The following WDR59 variants were observed in gnomAD, a reference collection of about 807,000 sequenced individuals.
The protein encoded by WDR59 is WD repeat domain 59.
A neutral mutation model predicts 131.2 loss-of-function variants in WDR59; 100 were observed. That is an observed-to-expected ratio of 0.76 (90% CI 0.65 to 0.90). WDR59 has a LOEUF of 0.90. Among genes scored for constraint, WDR59 ranks in the 40% least tolerant of loss-of-function variants. The pLI is 0.00. For synonymous variants in WDR59, 601 were observed against 466.2 expected, an observed-to-expected ratio of 1.29 and a Z score of -3.72; for missense variants, 1,203 against 1,262.2, an observed-to-expected ratio of 0.95 and a Z score of 0.71.
intron 25 of WDR59, among the ~76,000 whole-genome samples, chr16:74,883,187 G>A (rs1209595951): frequency 6.6e-6 from 1 of 151,628 alleles, no homozygotes; most frequent in Admixed American, 6.6e-5. Flanking sequence ...ACCACGCCCG[G>A]CTAATTTTTG....
intron 1 of WDR59, among the ~76,000 whole-genome samples, chr16:74,975,687 A>AG (rs2034153472): frequency 6.6e-6 from 1 of 151,866 alleles, no homozygotes; most frequent in Non-Finnish European, 1.5e-5. Context: ...AGTAAAAAAA[A>AG]GAAAAAAAAA....
chr16:74,883,141 C>T (rs1964590203), intron 25 of WDR59, among the ~76,000 whole-genome samples: 1 of 150,668 alleles, frequency 6.6e-6, no homozygotes, highest in Admixed American at 6.6e-5. Context: ...CCTCCTGCCT[C>T]AGCCTCCTGA....
intron 18 of WDR59, chr16:74,899,760 C>T (rs765911521): frequency 3.9e-6 from 5 of 1,289,068 alleles, no homozygotes; most frequent in Non-Finnish European, 3.0e-6. Context: ...GACATCTGTG[C>T]ATGAAAACGT....
intron 20 of WDR59, among the ~76,000 whole-genome samples, chr16:74,891,817 G>C (rs566639263): frequency 6.6e-6 from 1 of 152,244 alleles, no homozygotes; most frequent in South Asian, 2.1e-4. Flanking sequence ...CCCGCTACTC[G>C]GGAGGCTGAG....
intron 1 of WDR59, among the ~76,000 whole-genome samples, chr16:74,981,639 T>TAC: frequency 2.4e-5 from 1 of 40,896 alleles, no homozygotes; most frequent in African/African-American, 1.3e-4. Flanking sequence ...TATATATATA[T>TAC]ATATATATAT....
chr16:74,902,246 TA>T (rs1457847760), intron 18 of WDR59, among the ~76,000 whole-genome samples: 1 of 152,134 alleles, frequency 6.6e-6, no homozygotes, highest in African/African-American at 2.4e-5. Context: ...AAATAAAACA[TA>T]AAAGGCCACT....
chr16:74,917,860 G>A (rs1164329911), intron 11 of WDR59, 69 bp downstream of exon 11: 43 of 1,183,244 alleles, frequency 3.6e-5, no homozygotes, highest in Middle Eastern at 4.8e-4. Context: ...TCTAATTTCC[G>A]CAAATCCTGA....
chr16:74,969,198 G>A (rs750653579), intron 1 of WDR59, among the ~76,000 whole-genome samples: 31 of 152,170 alleles, frequency 2.0e-4, no homozygotes, highest in Non-Finnish European at 3.4e-4. Flanking sequence ...CAGGTTAGAG[G>A]TGTAAAGTGG....
intron 23 of WDR59, among the ~76,000 whole-genome samples, chr16:74,886,867 G>T (rs1964792964): frequency 6.6e-6 from 1 of 152,140 alleles, no homozygotes; most frequent in Non-Finnish European, 1.5e-5. Flanking sequence ...AGGGGGCAGT[G>T]AGCCGAGATC....
At chr16:74,970,238 C>A (rs751644501) in intron 1 of WDR59, among the ~76,000 whole-genome samples, 8 of 151,988 alleles carry the variant, frequency 5.3e-5, no homozygotes, top group Non-Finnish European at 1.2e-4. Context: ...CTATTCTGTT[C>A]CATTGGTCTA....
At chr16:74,916,071 C>CAA in intron 12 of WDR59, 56 bp downstream of exon 12, 1 of 1,613,942 alleles carries the variant, frequency 6.2e-7, no homozygotes. Flanking sequence ...GTATCTGCCA[C>CAA]AACTCTGCAA....
At chr16:74,972,821 TAAAAAAA>T (rs57885889) in intron 1 of WDR59, among the ~76,000 whole-genome samples, 7,367 of 55,154 alleles carry the variant, frequency 0.13, 479 homozygotes, top group East Asian at 0.25. Flanking sequence ...GACTCTGTCT[TAAAAAAA>T]AAAAAAAAAA....
chr16:74,933,960 T>C (rs1213193798), intron 8 of WDR59, among the ~76,000 whole-genome samples: 1 of 152,234 alleles, frequency 6.6e-6, no homozygotes. Flanking sequence ...AATAAAATGG[T>C]CAAGATGTCT....
At chr16:74,945,458 C>A (rs1280098726) in intron 6 of WDR59, among the ~76,000 whole-genome samples, 1 of 151,340 alleles carries the variant, frequency 6.6e-6, no homozygotes, top group Non-Finnish European at 1.5e-5. Flanking sequence ...GCCTGGGCAA[C>A]AGAGCGAGAC....
At chr16:74,888,369 G>T in intron 21 of WDR59, 50 bp from the exon 22 acceptor site, 1 of 1,567,770 alleles carries the variant, frequency 6.4e-7, no homozygotes. Context: ...AGGGATTGAG[G>T]AGGAAAGCGG....
chr16:74,938,831 C>T (rs1329306654), intron 7 of WDR59, among the ~76,000 whole-genome samples: 1 of 151,888 alleles, frequency 6.6e-6, no homozygotes, highest in South Asian at 2.1e-4. Context: ...ATCCACTGTG[C>T]CCGGCCTCAC....
chr16:74,915,975 A>AG lies in WDR59; in HGVS notation c.1118dup (p.Arg374Ter). The AG allele has an allele frequency of 6.2e-7, 1 of 1,614,112 alleles. No individual in the cohort carries two copies. Among genetic ancestry groups the AG allele is most frequent in the Non-Finnish European group, 8.5e-7 (1 of 1,180,004 alleles). ...ATTTCCTCTCTTCCAGGAGATTTCT[A>AG]GGGGGATCTTCTTTTAGGGCTAGCA... On this transcript the variant is annotated frameshift_variant, in exon 13 of 26. Transcript: ENST00000262144. LOFTEE classifies it high-confidence loss of function.
intron 1 of WDR59, among the ~76,000 whole-genome samples, chr16:74,973,361 G>A (rs981614468): frequency 3.3e-5 from 5 of 152,134 alleles, no homozygotes; most frequent in Admixed American, 2.0e-4. Context: ...GCACAGTGGC[G>A]TTGCAGCCTC....
intron 7 of WDR59, among the ~76,000 whole-genome samples, chr16:74,942,248 A>G (rs1188345607): frequency 1.3e-5 from 2 of 152,118 alleles, no homozygotes; most frequent in Non-Finnish European, 2.9e-5. Context: ...GGCTTGTAAG[A>G]GTAAATGTAA....
Sources: allele counts gnomAD v4.1 joint callset (sites outside exome capture counted in the v4.1 genomes callset), GRCh38; gene constraint gnomAD v4.1.1; transcripts MANE v1.5; gene names NCBI Gene and HGNC (gene_info 2026-07-23, HGNC 2026-07-21).